DCC: variants seen among roughly 807,000 people sequenced by gnomAD.
DCC encodes the protein DCC netrin 1 receptor, also known as netrin receptor DCC.
A neutral mutation model predicts 172.5 loss-of-function variants in DCC; 58 were observed. The ratio of observed to expected loss-of-function variants is 0.34; its 90% CI spans 0.27 to 0.42. DCC has a LOEUF of 0.42. Ranked by LOEUF, DCC falls within the 10% of genes least tolerant of loss-of-function variation. DCC has a pLI of 1.00. For missense variants in DCC, 1,740 were observed against 1,791.0 expected (o/e 0.97, Z 0.51); for synonymous variants, 709 against 644.5 (o/e 1.10, Z -1.52).
chr18:52,876,469 T>C (rs1598890111), intron 2 of DCC, among the ~76,000 whole-genome samples: 3 of 152,226 alleles, frequency 2.0e-5, no homozygotes, highest in Admixed American at 6.5e-5. Flanking sequence ...ATTCAACTAT[T>C]GTATTATTAA....
At chr18:52,471,242 C>T (rs1030249023) in intron 1 of DCC, among the ~76,000 whole-genome samples, 4 of 152,114 alleles carry the variant, frequency 2.6e-5, no homozygotes, top group Non-Finnish European at 5.9e-5. Flanking sequence ...CTCAGTTGCT[C>T]AGGAGGCTAA....
chr18:53,273,853 G>C (rs1167213384), intron 12 of DCC, among the ~76,000 whole-genome samples: 1 of 151,710 alleles, frequency 6.6e-6, no homozygotes, highest in Non-Finnish European at 1.5e-5. Flanking sequence ...TCACACATGT[G>C]ACCCTGGCAC....
At chr18:53,268,379 T>G (rs2056706863) in intron 12 of DCC, among the ~76,000 whole-genome samples, 1 of 152,176 alleles carries the variant, frequency 6.6e-6, no homozygotes, top group Non-Finnish European at 1.5e-5. Context: ...AAATTATGCT[T>G]TTTCACAATT....
chr18:52,762,061 G>A (rs952704001), intron 2 of DCC, among the ~76,000 whole-genome samples: 2 of 152,146 alleles, frequency 1.3e-5, no homozygotes, highest in African/African-American at 2.4e-5. Context: ...AATTGGGCCA[G>A]ATGGAGCTAT....
At chr18:52,909,477 T>C (rs868209441) in intron 3 of DCC, among the ~76,000 whole-genome samples, 6 of 152,174 alleles carry the variant, frequency 3.9e-5, no homozygotes, top group African/African-American at 1.4e-4. Flanking sequence ...ATTTTTACCA[T>C]AGTTCATAAG....
intron 2 of DCC, among the ~76,000 whole-genome samples, chr18:52,798,877 C>T (rs973613913): frequency 2.0e-5 from 3 of 151,976 alleles, no homozygotes; most frequent in Admixed American, 6.6e-5. Flanking sequence ...CTCAGCCTCC[C>T]GAGTAGTTGG....
intron 5 of DCC, among the ~76,000 whole-genome samples, chr18:53,048,787 T>C (rs2042294902): frequency 6.6e-6 from 1 of 151,844 alleles, no homozygotes; most frequent in Admixed American, 6.6e-5. Flanking sequence ...TGAACTAATT[T>C]ACATTTCCAC....
chr18:52,882,047 T>C (rs916331599), intron 2 of DCC, among the ~76,000 whole-genome samples: 15 of 152,134 alleles, frequency 9.9e-5, no homozygotes, highest in Admixed American at 1.3e-4. Context: ...TTTAATATTA[T>C]GTGTGGCTAT....
intron 1 of DCC, among the ~76,000 whole-genome samples, chr18:52,423,667 A>C (rs1443390301): frequency 6.6e-6 from 1 of 152,282 alleles, no homozygotes; most frequent in East Asian, 1.9e-4. Context: ...GGTTGTTTTC[A>C]AATCAAACTT....
intron 1 of DCC, among the ~76,000 whole-genome samples, chr18:52,451,423 C>T (rs560974989): frequency 3.3e-5 from 5 of 152,210 alleles, no homozygotes; most frequent in South Asian, 2.1e-4. Context: ...TTTCTGAGGC[C>T]GTTTGGGAAA....
intron 2 of DCC, among the ~76,000 whole-genome samples, chr18:52,824,967 C>CATAT (rs148347043): frequency 0.04 from 5,979 of 148,316 alleles, 170 homozygotes; most frequent in Admixed American, 0.058. Flanking sequence ...GAGACTCCCT[C>CATAT]ATATATATAT....
intron 1 of DCC, among the ~76,000 whole-genome samples, chr18:52,670,466 A>AAAT (rs1370918706): frequency 1.3e-5 from 2 of 152,204 alleles, no homozygotes; most frequent in African/African-American, 4.8e-5. Context: ...ATGGTTGAGA[A>AAAT]AATTATTAAA....
At chr18:53,458,314 A>G (rs761954107) in intron 23 of DCC, among the ~76,000 whole-genome samples, 77 of 152,242 alleles carry the variant, frequency 5.1e-4, no homozygotes, top group Non-Finnish European at 7.5e-4. Context: ...TTTGAGCCAT[A>G]TAGTATCTGT....
chr18:52,916,609 C>A (rs1475571002), intron 3 of DCC, among the ~76,000 whole-genome samples: 3 of 152,136 alleles, frequency 2.0e-5, no homozygotes, highest in African/African-American at 7.2e-5. Flanking sequence ...AAAATACCAG[C>A]TAGATCAGTA....
intron 2 of DCC, among the ~76,000 whole-genome samples, chr18:52,809,960 C>T (rs1187425314): frequency 2.0e-5 from 3 of 151,948 alleles, no homozygotes; most frequent in East Asian, 1.9e-4. Flanking sequence ...TTACAAGTCC[C>T]GTGTTTAAAG....
At chr18:52,392,195 A>G (rs181535559) in intron 1 of DCC, among the ~76,000 whole-genome samples, 47 of 152,290 alleles carry the variant, frequency 3.1e-4, no homozygotes, top group Middle Eastern at 6.8e-3. Flanking sequence ...TAGATGGCTC[A>G]TAGAGTGAAG....
rs544597089 is a variant in DCC, at chr18:52,992,253, G to T, written c.985+66883G>T. 2.0e-5 allele frequency among the ~76,000 whole-genome samples: 3 copies of T among 152,176 alleles called. No homozygotes were observed. The South Asian group carries it at 6.2e-4, about 32-fold the overall frequency. ...TAGTCAGTATAGGGCTGAATGCACA[G>T]GAGCTCCCCCAAGTGTTTGCTATTT... On this transcript the variant is annotated intron_variant, in intron 5 of 28. Coordinates refer to ENST00000442544, the MANE Select transcript of DCC (RefSeq NM_005215.4).
intron 1 of DCC, among the ~76,000 whole-genome samples, chr18:52,534,540 C>T (rs1017410586): frequency 3.3e-5 from 5 of 152,048 alleles, no homozygotes; most frequent in African/African-American, 1.2e-4. Flanking sequence ...AAGATGTATT[C>T]ATTTATTGCG....
At chr18:52,995,746 A>T (rs930077467) in intron 5 of DCC, among the ~76,000 whole-genome samples, 1 of 151,936 alleles carries the variant, frequency 6.6e-6, no homozygotes, top group Non-Finnish European at 1.5e-5. Context: ...TCTGAACATA[A>T]GGCACCTTTC....
Sources: allele counts gnomAD v4.1 joint callset (sites outside exome capture counted in the v4.1 genomes callset), GRCh38; gene constraint gnomAD v4.1.1; transcripts MANE v1.5; gene names NCBI Gene and HGNC (gene_info 2026-07-23, HGNC 2026-07-21).